Variants in FAM135B observed in about 807,000 individuals in gnomAD.
FAM135B encodes family with sequence similarity 135 member B, also known as protein FAM135B.
Under a neutral mutation model 127.7 loss-of-function variants are expected in FAM135B, and 43 were observed. That is an observed-to-expected ratio of 0.34 (90% CI 0.26 to 0.43). FAM135B has a LOEUF of 0.43. Among genes scored for constraint, FAM135B ranks in the 20% least tolerant of loss-of-function variants. The pLI, the probability that FAM135B is intolerant of heterozygous loss-of-function variation, is 1.00. For missense variants in FAM135B, 1,558 were observed against 1,725.6 expected (o/e 0.90, Z 1.72); for synonymous variants, 670 against 665.1 (o/e 1.01, Z -0.11).
At chr8:138,377,851 T>C (rs1199451479) in intron 1 of FAM135B, among the ~76,000 whole-genome samples, 1 of 152,180 alleles carries the variant, frequency 6.6e-6, no homozygotes, top group Non-Finnish European at 1.5e-5. Context: ...CCCAGGGGAT[T>C]TACTGCATGC....
chr8:138,249,755 C>T (rs1314447114), intron 6 of FAM135B, among the ~76,000 whole-genome samples: 2 of 152,188 alleles, frequency 1.3e-5, no homozygotes, highest in African/African-American at 4.8e-5. Context: ...CCTAAACTGT[C>T]AGCACTGAGA....
At chr8:138,337,526 A>C (rs1474295267) in intron 2 of FAM135B, among the ~76,000 whole-genome samples, 33 of 152,028 alleles carry the variant, frequency 2.2e-4, no homozygotes, top group Admixed American at 6.5e-4. Context: ...AAAGAGAATA[A>C]AATACCCAGG....
chr8:138,366,014 C>A (rs989339817), intron 2 of FAM135B, among the ~76,000 whole-genome samples: 2 of 152,020 alleles, frequency 1.3e-5, no homozygotes, highest in Non-Finnish European at 2.9e-5. Context: ...TTTCTTTCCA[C>A]ATCCTGATGG....
chr8:138,263,070 GGAA>G (rs1489821965), intron 4 of FAM135B, among the ~76,000 whole-genome samples: 1 of 151,918 alleles, frequency 6.6e-6, no homozygotes, highest in African/African-American at 2.4e-5. Context: ...TGGGGCCTTT[GGAA>G]GAAGGACACA....
chr8:138,159,469 C>G (rs896437730), intron 12 of FAM135B, among the ~76,000 whole-genome samples: 14 of 150,776 alleles, frequency 9.3e-5, no homozygotes, highest in Non-Finnish European at 2.1e-4. Flanking sequence ...ATGGATGAAG[C>G]TGGAAACTAT....
At chr8:138,190,272 C>T (rs1309886770) in intron 9 of FAM135B, among the ~76,000 whole-genome samples, 3 of 152,186 alleles carry the variant, frequency 2.0e-5, no homozygotes, top group Non-Finnish European at 2.9e-5. Context: ...ACTGAATGAA[C>T]CCCTCCTCTT....
rs941587942 is a variant in FAM135B at position 138,153,069 on chromosome 8, T to G, written c.1406A>C (p.Gln469Pro). ...DLVLSTIKPS[Q>P]MDSDEEVIRC... ...TATAACTTCTTCATCAGAATCCATT[T>G]GGGATGGTTTTATGGTAGACAAGAC... The change falls in exon 13 of 20, where the codon CAA becomes CCA. Residue 469 changes from glutamine to proline, a missense_variant. Gln to Pro is a moderately conservative substitution (Grantham distance 76, BLOSUM62 -1). Transcript: ENST00000395297. 1.9e-6 allele frequency: 3 copies of G among 1,614,218 alleles called. No individual in the cohort carries two copies. In the Admixed American group the frequency reaches 5.0e-5, roughly 27 times the overall value.
intron 7 of FAM135B, among the ~76,000 whole-genome samples, chr8:138,239,966 A>G (rs2130332535): frequency 7.8e-6 from 1 of 129,006 alleles, no homozygotes; most frequent in South Asian, 2.7e-4. Context: ...ACTTGGACAC[A>G]GGAAGGGGAA....
rs1038484715 is a variant in FAM135B at position 138,305,495 on chromosome 8, G to A, written c.157+5346C>T. Among the ~76,000 whole-genome samples the A allele has an allele frequency of 9.3e-5, 10 of 107,292 alleles. No individual in the cohort carries two copies. In the Admixed American group the frequency reaches 1.1e-3, roughly 12 times the overall value. The allele number at this position is 107,292 out of a possible 152,430, so 70.4% of individuals were successfully genotyped here. ...AGTATATTTAACATCTGTTCACACA[G>A]ACATGGACATACCAATTATTTGTAA... On this transcript the variant is annotated intron_variant, in intron 3 of 19. Coordinates refer to ENST00000395297, the MANE Select transcript of FAM135B (RefSeq NM_015912.4).
chr8:138,449,138 C>T (rs754573434), intron 1 of FAM135B, among the ~76,000 whole-genome samples: 3 of 152,116 alleles, frequency 2.0e-5, no homozygotes, highest in African/African-American at 4.8e-5. Flanking sequence ...ATCTGCTAAG[C>T]ACCAAGGATA....
At chr8:138,392,223 G>C (rs59930684) in intron 1 of FAM135B, among the ~76,000 whole-genome samples, 2,816 of 152,224 alleles carry the variant, frequency 0.018, 82 homozygotes, top group African/African-American at 0.063. Context: ...CCCCAGGCCC[G>C]GGAGCCCCTC....
At chr8:138,420,153 G>T (rs896087302) in intron 1 of FAM135B, among the ~76,000 whole-genome samples, 8 of 152,040 alleles carry the variant, frequency 5.3e-5, no homozygotes, top group African/African-American at 1.9e-4. Context: ...AAATGGCAAA[G>T]GGGACACTAC....
rs79566782 is a variant in FAM135B, at chr8:138,315,819, G to A, written c.78-4899C>T. The stretch of plus-strand genomic sequence containing the variant: ...ATTTTTAAAAAAGGAAGTCAAACAC[G>A]CAGAAAGAGAGAATAGGATGATAGT... On this transcript the variant is annotated intron_variant, in intron 2 of 19. Coordinates refer to ENST00000395297, the MANE Select transcript of FAM135B (RefSeq NM_015912.4). 8.0e-3 allele frequency among the ~76,000 whole-genome samples: 1,219 copies of A among 152,104 alleles called. 15 individuals carry two copies. The highest frequency in any genetic ancestry group is 0.028 in the African/African-American group (1,147 of 41,496).
At chr8:138,303,222 A>C (rs1435684648) in intron 3 of FAM135B, among the ~76,000 whole-genome samples, 1 of 152,204 alleles carries the variant, frequency 6.6e-6, no homozygotes, top group African/African-American at 2.4e-5. Flanking sequence ...AAAGAAAATG[A>C]GGCACATATA....
At chr8:138,454,420 A>G (rs1023634291) in intron 1 of FAM135B, among the ~76,000 whole-genome samples, 10 of 152,314 alleles carry the variant, frequency 6.6e-5, no homozygotes, top group Admixed American at 2.6e-4. Context: ...TGCGGCTGGC[A>G]GAGGTTGCAA....
intron 9 of FAM135B, among the ~76,000 whole-genome samples, chr8:138,186,033 C>T (rs574292569): frequency 6.6e-6 from 1 of 152,282 alleles, no homozygotes; most frequent in South Asian, 2.1e-4. Flanking sequence ...CTTTGCACGG[C>T]TGTTCCCTCT....
In FAM135B at chr8:138,137,060, G is replaced by T; in HGVS notation, c.4015+87C>A. On this transcript the variant is annotated intron_variant, in intron 19 of 19. Coordinates refer to ENST00000395297, the MANE Select transcript of FAM135B (RefSeq NM_015912.4). Reference sequence around the variant, plus strand: ...AATGCAGCACTAAACCTATAGCCCAGGTGTTCCCAATAGGCAGTCAATTCC... The same window carrying T: ...AATGCAGCACTAAACCTATAGCCCATGTGTTCCCAATAGGCAGTCAATTCC... 5.3e-6 allele frequency: 4 copies of T among 755,760 alleles called. No individual in the cohort carries two copies. In the East Asian group the frequency reaches 7.3e-5, roughly 14 times the overall value. 46.8% of individuals were successfully genotyped at this position (755,760 alleles called of 1,614,324 possible).
At chr8:138,225,013 T>C (rs1819308265) in intron 7 of FAM135B, among the ~76,000 whole-genome samples, 1 of 152,218 alleles carries the variant, frequency 6.6e-6, no homozygotes, top group African/African-American at 2.4e-5. Context: ...TAAGTTTTAA[T>C]GATCTATTGC....
intron 1 of FAM135B, among the ~76,000 whole-genome samples, chr8:138,459,906 G>T (rs1471692653): frequency 6.7e-6 from 1 of 149,480 alleles, no homozygotes; most frequent in African/African-American, 2.4e-5. Flanking sequence ...GGCAGCCTAA[G>T]GGAGTTACTT....
Sources: allele counts gnomAD v4.1 joint callset (sites outside exome capture counted in the v4.1 genomes callset), GRCh38; gene constraint gnomAD v4.1.1; transcripts MANE v1.5; gene names NCBI Gene and HGNC (gene_info 2026-07-23, HGNC 2026-07-21).